Variants in HPCAL1 observed in about 807,000 individuals in gnomAD.
The protein encoded by HPCAL1 is hippocalcin like 1.
In HPCAL1, 8 loss-of-function variants were observed where a neutral mutation model predicts 17.1. That is an observed-to-expected ratio of 0.47 (90% CI 0.27 to 0.84). The LOEUF (loss-of-function observed/expected upper bound fraction) is 0.84. Among genes scored for constraint, HPCAL1 ranks in the 40% least tolerant of loss-of-function variants. The pLI is 0.13. For missense variants in HPCAL1, 165 were observed against 271.1 expected, an observed-to-expected ratio of 0.61 and a Z score of 2.75; for synonymous variants, 112 against 111.4, an observed-to-expected ratio of 1.01 and a Z score of -0.03.
intron 1 of HPCAL1, among the ~76,000 whole-genome samples, chr2:10,307,270 A>C (rs1270031563): frequency 6.6e-6 from 1 of 152,214 alleles, no homozygotes; most frequent in Non-Finnish European, 1.5e-5. Flanking sequence ...TCCTCTTGGA[A>C]GTCTTCCCAG....
rs536816526 is a variant in HPCAL1, at chr2:10,375,041, G to C, written c.-110-21794G>C. Among the ~76,000 whole-genome samples the C allele has an allele frequency of 3.3e-5, 5 of 152,276 alleles. No homozygotes were observed. In the South Asian group the frequency reaches 1.0e-3, roughly 32 times the overall value. On this transcript the variant is annotated intron_variant, in intron 1 of 4. Coordinates refer to ENST00000307845, the MANE Select transcript of HPCAL1 (RefSeq NM_002149.4). The stretch of plus-strand genomic sequence containing the variant: ...AGAGCTGGGAGCCTGGAGGGGAGCT[G>C]AAGACCTCTCCCATAGTCAGCTGCC...
intron 1 of HPCAL1, among the ~76,000 whole-genome samples, chr2:10,372,433 C>G (rs958007470): frequency 6.6e-6 from 1 of 152,172 alleles, no homozygotes; most frequent in African/African-American, 2.4e-5. Flanking sequence ...ATAATCCCCC[C>G]CCAGGAGCTC....
At chr2:10,320,040 C>T (rs553429585) in intron 1 of HPCAL1, among the ~76,000 whole-genome samples, 15 of 152,134 alleles carry the variant, frequency 9.9e-5, no homozygotes, top group Admixed American at 3.3e-4. Flanking sequence ...TGCAGCCCCC[C>T]GAGTCCCCTT....
chr2:10,322,437 A>G (rs1237248281), intron 1 of HPCAL1, among the ~76,000 whole-genome samples: 1 of 152,230 alleles, frequency 6.6e-6, no homozygotes, highest in Non-Finnish European at 1.5e-5. Context: ...CAGCAGGTGC[A>G]AGGGAACAGC....
chr2:10,426,841 T>C lies in HPCAL1; in HGVS notation c.*20T>C. 2.5e-6 allele frequency: 4 copies of C among 1,599,412 alleles called. No individual in the cohort carries two copies. The highest frequency in any genetic ancestry group is 3.4e-6 in the Non-Finnish European group (4 of 1,167,580). ...TTCTGAGCGAGCGGCCCCTGGACAG[T>C]TGCAGAGAAACACAGGCTTGTCGTG... On this transcript the variant is annotated 3_prime_UTR_variant, in exon 5 of 5. Coordinates refer to ENST00000307845, the MANE Select transcript of HPCAL1 (RefSeq NM_002149.4).
rs950854356 is a variant in HPCAL1 at position 10,423,206 on chromosome 2, G to C, written c.484+118G>C. On this transcript the variant is annotated intron_variant, in intron 4 of 4. Transcript: ENST00000307845. Reference sequence around the variant, plus strand: ...GGTCTCCTGAGGGCCACCCCCGCCCGCCACCTGCCTGGCGCCTGCCATGCC... The same window carrying C: ...GGTCTCCTGAGGGCCACCCCCGCCCCCCACCTGCCTGGCGCCTGCCATGCC... 6.8e-6 allele frequency: 5 copies of C among 739,644 alleles called. No homozygotes were observed. The East Asian group carries it at 1.4e-4, about 20-fold the overall frequency. 45.8% of individuals were successfully genotyped at this position (739,644 alleles called of 1,614,324 possible).
chr2:10,354,824 G>C lies in HPCAL1; in HGVS notation c.-110-42011G>C, dbSNP rs921337764. ...TCTGATCTTAAATACACAGCCCTGC[G>C]TGCTGACCTTGTGTTAGAACTTAAT... On this transcript the variant is annotated intron_variant, in intron 1 of 4. Coordinates refer to ENST00000307845, the MANE Select transcript of HPCAL1 (RefSeq NM_002149.4). This position sits in a 1 kb window ranked among gnomAD's most constrained non-coding sequence, Gnocchi z 5.1. Among the ~76,000 whole-genome samples the C allele has an allele frequency of 6.6e-6, 1 of 152,220 alleles. No homozygotes were observed. The highest frequency in any genetic ancestry group is 1.5e-5 in the Non-Finnish European group (1 of 68,042).
chr2:10,332,935 A>C (rs1664476705), intron 1 of HPCAL1, among the ~76,000 whole-genome samples: 1 of 138,212 alleles, frequency 7.2e-6, no homozygotes, highest in African/African-American at 2.8e-5. Flanking sequence ...AAGAGGGCTC[A>C]GAGGAGCCTG....
rs111701706 is a variant in HPCAL1 at position 10,316,491 on chromosome 2, C to T, written c.-111+13314C>T. Among the ~76,000 whole-genome samples, 217 of 152,234 alleles carry T rather than the reference C, an allele frequency of 1.4e-3. 2 individuals are homozygous for T. Among genetic ancestry groups the T allele is most frequent in the African/African-American group, 4.8e-3 (201 of 41,540 alleles). On this transcript the variant is annotated intron_variant, in intron 1 of 4. Coordinates refer to ENST00000307845, the MANE Select transcript of HPCAL1 (RefSeq NM_002149.4). ...CTTTGCTGGCTGGTAAGCAGGGCCA[C>T]CTCAGCCCTTGTGAGGGCCATGCCT... is the stretch of plus-strand genomic sequence containing the variant.
At chr2:10,306,128 A>G (rs966648669) in intron 1 of HPCAL1, among the ~76,000 whole-genome samples, 3 of 152,212 alleles carry the variant, frequency 2.0e-5, no homozygotes, top group African/African-American at 7.2e-5. Flanking sequence ...CCCGGAGTTT[A>G]TTTGGCACCG....
rs141474490 is a variant in HPCAL1 at position 10,413,169 on chromosome 2, G to C, written c.-24-6565G>C. Among the ~76,000 whole-genome samples, 12 of 152,338 alleles carry C rather than the reference G, an allele frequency of 7.9e-5. No individual in the cohort carries two copies. In the East Asian group the frequency reaches 2.3e-3, roughly 29 times the overall value. ...GGTCTGTGCTGGGCCTGGAGGCCCAGAGTCCTTCCTCCTCCCCTGCCCATC... is the reference window on the plus strand; with the variant it reads ...GGTCTGTGCTGGGCCTGGAGGCCCACAGTCCTTCCTCCTCCCCTGCCCATC... On this transcript the variant is annotated intron_variant, in intron 2 of 4. Transcript: ENST00000307845.
At chr2:10,341,802 G>A (rs942831589) in intron 1 of HPCAL1, among the ~76,000 whole-genome samples, 7 of 151,960 alleles carry the variant, frequency 4.6e-5, no homozygotes, top group Admixed American at 2.6e-4. Context: ...TGATTACCAC[G>A]GGAAAAATTC....
chr2:10,323,577 T>C lies in HPCAL1; in HGVS notation c.-111+20400T>C, dbSNP rs1042313404. Among the ~76,000 whole-genome samples the C allele has an allele frequency of 1.3e-5, 2 of 152,198 alleles. No homozygotes were observed. The highest frequency in any genetic ancestry group is 2.9e-5 in the Non-Finnish European group (2 of 68,028). ...CAACCTGTACCCTTTACCCTGGAGC[T>C]GGCCCCATCTCTCACAGCCCAGTGG... On this transcript the variant is annotated intron_variant, in intron 1 of 4. Coordinates refer to ENST00000307845, the MANE Select transcript of HPCAL1 (RefSeq NM_002149.4). This position sits in a 1 kb window ranked among gnomAD's most constrained non-coding sequence, Gnocchi z 4.6.
chr2:10,357,670 T>G (rs149221173), intron 1 of HPCAL1, among the ~76,000 whole-genome samples: 1 of 152,290 alleles, frequency 6.6e-6, no homozygotes, highest in African/African-American at 2.4e-5. Context: ...TCCCTCCCCA[T>G]GAGGTGTTTG....
In HPCAL1 at chr2:10,409,445, G is replaced by C. The variant is rs377039726; in HGVS notation, c.-24-10289G>C. Among the ~76,000 whole-genome samples the C allele has an allele frequency of 1.7e-4, 26 of 152,350 alleles. No individual in the cohort carries two copies. In the East Asian group the frequency reaches 2.3e-3, roughly 14 times the overall value. ...CCCCTCCTTGGAGAACTACCGGGAA[G>C]CTAAGGCTGCAGGCAGCTTGACTGT... On this transcript the variant is annotated intron_variant, in intron 2 of 4. Transcript: ENST00000307845.
At chr2:10,409,784 T>C (rs1228193651) in intron 2 of HPCAL1, among the ~76,000 whole-genome samples, 15 of 85,462 alleles carry the variant, frequency 1.8e-4, no homozygotes, top group Non-Finnish European at 3.4e-4. Context: ...AGTCTTTTTT[T>C]TTTTTTTTTT....
In HPCAL1 at chr2:10,367,637, C is replaced by T. The variant is rs1433894960; in HGVS notation, c.-110-29198C>T. 6.6e-6 allele frequency among the ~76,000 whole-genome samples: 1 copy of T among 152,132 alleles called. No homozygotes were observed. Among genetic ancestry groups the T allele is most frequent in the East Asian group, 1.9e-4 (1 of 5,202 alleles). ...GGTTTAGATGTAAATTTTATGCTTC[C>T]TTGCAAAAATTTGTCGAAAGTGCCA... is the stretch of plus-strand genomic sequence containing the variant. On this transcript the variant is annotated intron_variant, in intron 1 of 4. Transcript: ENST00000307845. The surrounding 1 kb of genome is among the most constrained non-coding windows in gnomAD (Gnocchi z 4.4).
chr2:10,420,211 T>A, intron 3 of HPCAL1, 76 bp downstream of exon 3: 5 of 661,788 alleles, frequency 7.6e-6, no homozygotes, highest in Non-Finnish European at 8.5e-6. Context: ...GCCCAGGGCT[T>A]TTTTTTTTTT....
chr2:10,316,919 A>T (rs1214776026), intron 1 of HPCAL1, among the ~76,000 whole-genome samples: 1 of 152,170 alleles, frequency 6.6e-6, no homozygotes, highest in Non-Finnish European at 1.5e-5. Flanking sequence ...CAGGATCTTT[A>T]CCTATGATAC....
Sources: allele counts gnomAD v4.1 joint callset (sites outside exome capture counted in the v4.1 genomes callset), GRCh38; gene constraint gnomAD v4.1.1; non-coding constraint Gnocchi (gnomAD v3.1); transcripts MANE v1.5; gene names NCBI Gene and HGNC (gene_info 2026-07-23, HGNC 2026-07-21).